The following URI1 variants were observed in gnomAD, a reference collection of about 807,000 sequenced individuals.
URI1 encodes unconventional prefoldin RPB5 interactor 1.
URI1 carries 39 observed loss-of-function variants against 60.2 expected under a neutral mutation model. The observed-to-expected ratio is 0.65, with a 90% confidence interval of 0.50 to 0.85. The LOEUF (loss-of-function observed/expected upper bound fraction) is 0.85, where lower values mean the gene tolerates loss of function less well. Ranked by LOEUF, URI1 falls within the 40% of genes least tolerant of loss-of-function variation. URI1 has a pLI of 0.00. For synonymous variants in URI1, 251 were observed against 236.8 expected (o/e 1.06, Z -0.55); for missense variants, 691 against 665.9 (o/e 1.04, Z -0.42).
intron 1 of URI1, among the ~76,000 whole-genome samples, chr19:29,944,148 T>TTATATGA (rs1342885657): frequency 2.8e-5 from 1 of 35,700 alleles, no homozygotes; most frequent in African/African-American, 2.0e-4. Flanking sequence ...TTCATATATA[T>TTATATGA]ATATATATAT....
Position 29,942,292 on chromosome 19 carries a change from GC to G in URI1, c.-255del. 1.0e-6 allele frequency: 1 copy of G among 985,268 alleles called. No homozygotes were observed. Among genetic ancestry groups the G allele is most frequent in the Non-Finnish European group, 1.2e-6 (1 of 829,710 alleles). The allele number at this position is 985,268 out of a possible 1,614,324, so 61.0% of individuals were successfully genotyped here. On this transcript the variant is annotated 5_prime_UTR_variant, in exon 1 of 11. Coordinates refer to ENST00000392271, the MANE Select transcript of URI1 (RefSeq NM_003796.3). ...GCCTGGCTGGGCCCGCACCGGAGAG[GC>G]GTCTCGGTACCTGGCAGGCGGCCTG... is the stretch of plus-strand genomic sequence containing the variant.
At chr19:30,006,044 C>T (rs767277355) in intron 6 of URI1, among the ~76,000 whole-genome samples, 3 of 152,062 alleles carry the variant, frequency 2.0e-5, no homozygotes, top group African/African-American at 4.8e-5. Context: ...TGGTGAAGTC[C>T]TAAGATATCT....
At chr19:29,940,278 A>G (rs1312457821), upstream of URI1, among the ~76,000 whole-genome samples, 1 of 152,020 alleles carries the variant, frequency 6.6e-6, no homozygotes, top group African/African-American at 2.4e-5. Context: ...TCTGATACAC[A>G]TGGGGCTACC....
chr19:29,924,939 G>T (rs2054853179), intron 1 of URI1, among the ~76,000 whole-genome samples: 1 of 152,200 alleles, frequency 6.6e-6, no homozygotes, highest in Non-Finnish European at 1.5e-5. Context: ...GGATTCAAGT[G>T]GTTCTCCTGC....
At position 29,971,193 on chromosome 19, in the gene URI1, G is replaced by A. The variant is rs754107926; in HGVS notation, c.118G>A (p.Val40Met). 1 of 1,613,122 alleles carries A rather than the reference G, an allele frequency of 6.2e-7. No individual in the cohort carries two copies. The highest frequency in any genetic ancestry group is 1.3e-5 in the African/African-American group (1 of 74,878). The change falls in exon 2 of 11, where the codon GTG (valine) becomes ATG (methionine). Residue 40 changes from valine to methionine, a missense_variant and splice_region_variant. By Grantham distance (21) the Val-to-Met change is conservative (BLOSUM62 1). Transcript: ENST00000392271. ...VARLREEQEK[V>M]VTNCQERIQH... The stretch of plus-strand genomic sequence containing the variant: ...GAGTAGTTATCTGTTTTCATGACAG[G>A]TGGTCACTAACTGCCAAGAGAGAAT...
In URI1 at chr19:29,994,261, G is replaced by T. The variant is rs143553024; in HGVS notation, c.367+7844G>T. ...CTGATACCTTATTGTAGGCCCCCTG[G>T]CACTGCTAACTAGCTAACTTACTGT... On this transcript the variant is annotated intron_variant, in intron 4 of 10. Transcript: ENST00000392271. Among the ~76,000 whole-genome samples, 24 of 152,146 alleles carry T rather than the reference G, an allele frequency of 1.6e-4. No homozygotes were observed. The East Asian group carries it at 4.3e-3, about 27-fold the overall frequency.
chr19:29,946,526 A>G (rs984332225), intron 1 of URI1, among the ~76,000 whole-genome samples: 1 of 152,194 alleles, frequency 6.6e-6, no homozygotes, highest in African/African-American at 2.4e-5. Flanking sequence ...TCATTAGGAT[A>G]ATATATTTAT....
chr19:29,932,471 C>T lies in URI1; in HGVS notation c.63+8717C>T, dbSNP rs923303732. ...AACTGGGATTACAGGTGTCTGCCAC[C>T]GCACCCGGCTAATTTTTGTATTTTT... On this transcript the variant is annotated intron_variant, in intron 1 of 10. Coordinates refer to the URI1 transcript ENST00000360605. Among the ~76,000 whole-genome samples the T allele has an allele frequency of 3.3e-5, 5 of 151,910 alleles. No individual in the cohort carries two copies. In the East Asian group the frequency reaches 5.8e-4, roughly 18 times the overall value.
chr19:29,956,627 AT>A, intron 1 of URI1: 2 of 1,505,206 alleles, frequency 1.3e-6, no homozygotes, highest in Non-Finnish European at 1.8e-6. Context: ...CTGCGGATGT[AT>A]TTTTCACCCA....
At chr19:29,981,950 A>G (rs2055603694) in intron 2 of URI1, among the ~76,000 whole-genome samples, 1 of 152,222 alleles carries the variant, frequency 6.6e-6, no homozygotes, top group Non-Finnish European at 1.5e-5. Context: ...AGTTCTTAGC[A>G]TAACTTTTGC....
At chr19:29,931,149 T>A (rs1201148665) in intron 1 of URI1, among the ~76,000 whole-genome samples, 1 of 152,172 alleles carries the variant, frequency 6.6e-6, no homozygotes, top group South Asian at 2.1e-4. Flanking sequence ...CCAGTTTGCC[T>A]ACTTCTGCAA....
rs145299783 is a variant in URI1 at position 29,952,877 on chromosome 19, C to T, written c.117+10213C>T. Among the ~76,000 whole-genome samples, 90 of 152,298 alleles carry T rather than the reference C, an allele frequency of 5.9e-4. No individual in the cohort carries two copies. In the East Asian group the frequency reaches 0.015, roughly 25 times the overall value. The stretch of plus-strand genomic sequence containing the variant: ...AGCAATAACGCTGTCATTCTCCCCT[C>T]CCCCAAACCCCAAGTCATTTATGAC... On this transcript the variant is annotated intron_variant, in intron 1 of 10. Transcript: ENST00000392271.
Position 30,011,143 on chromosome 19 carries a change from A to T in URI1, c.1085A>T (p.Lys362Ile). ...ACCACTTTAAAATTCAGTGAAAAGA[A>T]AGAAGAAGCCAAACGTAAACGAAAG... ...KNTTLKFSEKKEEAKRKRKNS... is the reference protein window; with the variant it reads ...KNTTLKFSEKIEEAKRKRKNS... Residue 362 changes from lysine (K) to isoleucine (I), a missense_variant, in exon 9 of 11, where the codon AAA becomes ATA. Transcript: ENST00000392271. 6.2e-7 allele frequency: 1 copy of T among 1,612,952 alleles called. No individual in the cohort carries two copies. The highest frequency in any genetic ancestry group is 8.5e-7 in the Non-Finnish European group (1 of 1,179,718).
intron 1 of URI1, among the ~76,000 whole-genome samples, chr19:29,953,398 T>C (rs2055203934): frequency 6.6e-6 from 1 of 152,214 alleles, no homozygotes; most frequent in African/African-American, 2.4e-5. Flanking sequence ...AGAGTGCTAC[T>C]AGCTCTTTAT....
At position 29,932,075 on chromosome 19, in the gene URI1, A is replaced by T. The variant is rs186293993; in HGVS notation, c.63+8321A>T. Among the ~76,000 whole-genome samples the T allele has an allele frequency of 1.0e-3, 157 of 152,112 alleles. 1 individual carries two copies. Among genetic ancestry groups the T allele is most frequent in the African/African-American group, 3.6e-3 (150 of 41,502 alleles). ...TATCTTGCCTAGTTGCTGTGACTAGAACTCTTAGTACTACGCTAAATAGTA... is the reference window on the plus strand; with the variant it reads ...TATCTTGCCTAGTTGCTGTGACTAGTACTCTTAGTACTACGCTAAATAGTA... On this transcript the variant is annotated intron_variant, in intron 1 of 10. Transcript: ENST00000360605.
At chr19:30,005,835 T>C in intron 6 of URI1, 127 bp downstream of exon 6, 2 of 807,500 alleles carry the variant, frequency 2.5e-6, no homozygotes, top group East Asian at 5.8e-5. Flanking sequence ...GCCAACATTT[T>C]TCTACTCATT....
At chr19:29,949,629 T>C (rs1285302715) in intron 1 of URI1, among the ~76,000 whole-genome samples, 1 of 152,162 alleles carries the variant, frequency 6.6e-6, no homozygotes, top group African/African-American at 2.4e-5. Flanking sequence ...CATTGAGCAC[T>C]GAGTGAACGA....
At chr19:29,955,932 G>T (rs2055240836) in intron 1 of URI1, among the ~76,000 whole-genome samples, 1 of 151,978 alleles carries the variant, frequency 6.6e-6, no homozygotes, top group African/African-American at 2.4e-5. Flanking sequence ...TTCCTGGCTG[G>T]CCTTGGTAGT....
chr19:30,002,084 T>G (rs1409431029), intron 4 of URI1, among the ~76,000 whole-genome samples: 2 of 151,996 alleles, frequency 1.3e-5, no homozygotes, highest in African/African-American at 4.8e-5. Context: ...TCACAAAGGA[T>G]TCAGTAGAGA....
Sources: gnomAD v4.1 joint callset for allele counts (sites outside exome capture counted in the v4.1 genomes callset) on GRCh38, gnomAD v4.1.1 for gene constraint, MANE v1.5 for transcripts, NCBI Gene and HGNC (gene_info 2026-07-23, HGNC 2026-07-21) for gene names.